SYN3: variants seen among roughly 807,000 people sequenced by gnomAD.
The protein encoded by SYN3 is synapsin III, also known as synapsin-3.
In SYN3, 35 loss-of-function variants were observed where a neutral mutation model predicts 65.8. That is an observed-to-expected ratio of 0.53 (90% confidence interval 0.41 to 0.70). SYN3 has a LOEUF of 0.70. Among genes scored for constraint, SYN3 ranks in the 30% least tolerant of loss-of-function variants. The probability of loss-of-function intolerance (pLI) is 0.00; values close to 1 mark genes in which losing one functional copy is unlikely to be tolerated. For synonymous variants in SYN3, 270 were observed against 292.9 expected, an observed-to-expected ratio of 0.92 and a Z score of 0.80; for missense variants, 680 against 749.0, an observed-to-expected ratio of 0.91 and a Z score of 1.08.
At chr22:32,755,421 A>G (rs1382444047) in intron 6 of SYN3, among the ~76,000 whole-genome samples, 1 of 152,226 alleles carries the variant, frequency 6.6e-6, no homozygotes, top group Non-Finnish European at 1.5e-5. Context: ...TTACATGGCA[A>G]GATCACCTAA....
Position 33,041,117 on chromosome 22 carries a change from C to G in SYN3, c.-163+17175G>C, listed in dbSNP as rs146238081. On this transcript the variant is annotated intron_variant, in intron 1 of 13. Coordinates refer to ENST00000358763, the MANE Select transcript of SYN3 (RefSeq NM_003490.4). ...TATTTTTAGTAGAGATGGGTTTTCA[C>G]CATGTTGGCCAGGATGGTCTCGATC... Among the ~76,000 whole-genome samples the G allele has an allele frequency of 7.2e-3, 1,087 of 151,984 alleles. 15 individuals are homozygous for G. Among genetic ancestry groups the G allele is most frequent in the African/African-American group, 0.023 (964 of 41,448 alleles).
At chr22:32,547,373 CT>C (rs1430608408) in intron 7 of SYN3, among the ~76,000 whole-genome samples, 1 of 152,112 alleles carries the variant, frequency 6.6e-6, no homozygotes, top group Non-Finnish European at 1.5e-5. Context: ...CTTCTCTTAT[CT>C]TTCTCCAGCC....
chr22:32,621,088 G>C (rs1396298998), intron 6 of SYN3, among the ~76,000 whole-genome samples: 1 of 152,192 alleles, frequency 6.6e-6, no homozygotes, highest in Non-Finnish European at 1.5e-5. Context: ...TAATGCAGAA[G>C]GGTTCTGGAG....
chr22:33,031,304 ATC>A (rs993871685), intron 1 of SYN3, among the ~76,000 whole-genome samples: 1 of 152,054 alleles, frequency 6.6e-6, no homozygotes, highest in African/African-American at 2.4e-5. Context: ...CACCCTCCTT[ATC>A]TCAGGAAATG....
chr22:32,549,491 A>T (rs1222288167), intron 7 of SYN3, among the ~76,000 whole-genome samples: 2 of 152,134 alleles, frequency 1.3e-5, no homozygotes, highest in Non-Finnish European at 2.9e-5. Context: ...GGGCTCAAGC[A>T]ATTCTCCGGC....
intron 4 of SYN3, among the ~76,000 whole-genome samples, chr22:32,904,487 T>C (rs137535): frequency 0.73 from 110,965 of 151,528 alleles, 41,277 homozygotes; most frequent in Non-Finnish European, 0.8. Context: ...CTTGATTGAG[T>C]GAGACCTAGG....
intron 7 of SYN3, among the ~76,000 whole-genome samples, chr22:32,587,416 C>T (rs983085898): frequency 2.6e-5 from 4 of 151,902 alleles, no homozygotes; most frequent in African/African-American, 9.7e-5. Flanking sequence ...CTGAACACCT[C>T]GTGGGTGGGT....
chr22:32,547,032 G>A (rs895351541), intron 7 of SYN3, among the ~76,000 whole-genome samples: 3 of 151,932 alleles, frequency 2.0e-5, no homozygotes, highest in Non-Finnish European at 4.4e-5. Context: ...AAGCTGGAGC[G>A]CAGTGGCACA....
rs1337891459 is a variant in SYN3, at chr22:32,652,406, T to G, written c.712-55670A>C. On this transcript the variant is annotated intron_variant, in intron 6 of 13. Coordinates refer to ENST00000358763, the MANE Select transcript of SYN3 (RefSeq NM_003490.4). ...TTTTTTTTTTTTGGAAAAAAAAAAGTTTTCTTTTTTGGAAGAAAACAAAGA... is the reference window on the plus strand; with the variant it reads ...TTTTTTTTTTTTGGAAAAAAAAAAGGTTTCTTTTTTGGAAGAAAACAAAGA... Among the ~76,000 whole-genome samples, 16 of 147,712 alleles carry G rather than the reference T, an allele frequency of 1.1e-4. No individual in the cohort carries two copies. In the South Asian group the frequency reaches 2.6e-3, roughly 24 times the overall value.
At chr22:32,565,691 T>C (rs1370955088) in intron 7 of SYN3, among the ~76,000 whole-genome samples, 4 of 150,260 alleles carry the variant, frequency 2.7e-5, no homozygotes, top group South Asian at 4.2e-4. Flanking sequence ...TAATTTTTAA[T>C]TTAATTTAAT....
chr22:32,604,600 T>TACCC (rs1222317862), intron 6 of SYN3, among the ~76,000 whole-genome samples: 4 of 151,886 alleles, frequency 2.6e-5, no homozygotes, highest in Non-Finnish European at 4.4e-5. Flanking sequence ...TCCGCTGAAA[T>TACCC]TCTGTCCCTG....
intron 12 of SYN3, among the ~76,000 whole-genome samples, chr22:32,521,442 A>ATT (rs34710233): frequency 0.35 from 42,346 of 119,704 alleles, 8,454 homozygotes; most frequent in South Asian, 0.48. Flanking sequence ...ACACCTCTTG[A>ATT]TTTTTTTTTT....
At chr22:32,897,811 T>C (rs1467413781) in intron 4 of SYN3, among the ~76,000 whole-genome samples, 3 of 152,136 alleles carry the variant, frequency 2.0e-5, no homozygotes, top group Non-Finnish European at 4.4e-5. Context: ...TTTGAGCAAG[T>C]CTTTTTATAT....
chr22:32,713,036 A>G (rs2060986465), intron 6 of SYN3, among the ~76,000 whole-genome samples: 1 of 152,036 alleles, frequency 6.6e-6, no homozygotes, highest in South Asian at 2.1e-4. Flanking sequence ...ATGAGTGGAG[A>G]CACTGTATTT....
At chr22:32,662,056 AC>A in intron 6 of SYN3, among the ~76,000 whole-genome samples, 1 of 152,148 alleles carries the variant, frequency 6.6e-6, no homozygotes, top group Non-Finnish European at 1.5e-5. Context: ...AGTCTGTTTT[AC>A]CCGGAGTCAT....
rs2060746928 is a variant in SYN3, at chr22:32,697,080, A to T, written c.712-100344T>A. Among the ~76,000 whole-genome samples, 3 of 152,220 alleles carry T rather than the reference A, an allele frequency of 2.0e-5. No individual in the cohort carries two copies. In the South Asian group the frequency reaches 6.2e-4, roughly 31 times the overall value. On this transcript the variant is annotated intron_variant, in intron 6 of 13. Transcript: ENST00000358763. ...ATCACTCCAGCTGGTGTTAAAAGTCATGGACATTAAGTGGGACTAGGATGT... is the reference window on the plus strand; with the variant it reads ...ATCACTCCAGCTGGTGTTAAAAGTCTTGGACATTAAGTGGGACTAGGATGT...
At chr22:32,954,942 CT>C (rs770971735) in intron 3 of SYN3, among the ~76,000 whole-genome samples, 96 of 118,898 alleles carry the variant, frequency 8.1e-4, no homozygotes, top group Admixed American at 2.7e-3. Context: ...TTTTCCTTTT[CT>C]TTTTTTTTTT....
chr22:32,739,177 G>GT (rs1018441770), intron 6 of SYN3, among the ~76,000 whole-genome samples: 19 of 150,766 alleles, frequency 1.3e-4, no homozygotes, highest in Non-Finnish European at 2.7e-4. Flanking sequence ...GAATCACAGG[G>GT]GGGGGGCGGT....
At chr22:32,934,977 G>A (rs957233901) in intron 3 of SYN3, among the ~76,000 whole-genome samples, 5 of 152,134 alleles carry the variant, frequency 3.3e-5, no homozygotes, top group Non-Finnish European at 7.3e-5. Context: ...AGAAGCTGGA[G>A]GAGCCAAGGA....
Sources: allele counts gnomAD v4.1 joint callset (sites outside exome capture counted in the v4.1 genomes callset), GRCh38; gene constraint gnomAD v4.1.1; transcripts MANE v1.5; gene names NCBI Gene and HGNC (gene_info 2026-07-23, HGNC 2026-07-21).